The following APIP variants were observed in gnomAD, a reference collection of about 807,000 sequenced individuals.
APIP encodes methylthioribulose-1-phosphate dehydratase.
A neutral mutation model predicts 32.0 loss-of-function variants in APIP; 32 were observed. The observed-to-expected ratio is 1.00, with a 90% CI of 0.76 to 1.34. The LOEUF (loss-of-function observed/expected upper bound fraction) is 1.34. Among genes scored for constraint, APIP ranks in the 40% most tolerant of loss-of-function variants. The probability of loss-of-function intolerance (pLI) is 0.00; values close to 1 mark genes in which losing one functional copy is unlikely to be tolerated. For synonymous variants in APIP, 92 were observed against 94.8 expected, an observed-to-expected ratio of 0.97 and a Z score of 0.17; for missense variants, 247 against 298.6, an observed-to-expected ratio of 0.83 and a Z score of 1.27.
intron 1 of APIP, among the ~76,000 whole-genome samples, chr11:34,907,528 A>G (rs1021602595): frequency 1.3e-5 from 2 of 152,222 alleles, no homozygotes; most frequent in Admixed American, 6.5e-5. Context: ...CAAAGAGATT[A>G]TCACTTAGCA....
At chr11:34,888,646 T>C in intron 4 of APIP, 106 bp downstream of exon 4, 2 of 1,147,220 alleles carry the variant, frequency 1.7e-6, no homozygotes, top group Non-Finnish European at 2.5e-6. Flanking sequence ...TTCAAGTTCT[T>C]GCACATGGTG....
chr11:34,883,607 T>C, intron 5 of APIP, 103 bp from the exon 6 acceptor site: 1 of 1,206,342 alleles, frequency 8.3e-7, no homozygotes, highest in East Asian at 2.5e-5. Context: ...ATGCTGTTTG[T>C]GTCTGAAAAG....
intron 2 of APIP, 190 bp from the exon 3 acceptor site, chr11:34,890,742 T>A (rs2915224): frequency 0.65 from 294,649 of 454,786 alleles, 97,623 homozygotes; most frequent in East Asian, 0.72. Flanking sequence ...CTGGTGGCAT[T>A]GTAGAATATT....
At position 34,904,674 on chromosome 11, in the gene APIP, C is replaced by T. The variant is rs540010351; in HGVS notation, c.58-9564G>A. 3.3e-5 allele frequency among the ~76,000 whole-genome samples: 5 copies of T among 152,262 alleles called. No individual in the cohort carries two copies. In the South Asian group the frequency reaches 1.0e-3, roughly 32 times the overall value. On this transcript the variant is annotated intron_variant, in intron 1 of 6. Coordinates refer to ENST00000395787, the MANE Select transcript of APIP (RefSeq NM_015957.4). Reference sequence around the variant, plus strand: ...TCTGTTTAACCCAGGAGATTTGGTACTTGTAAAGGCTCTCCCTTCTCTCTC... The same window carrying T: ...TCTGTTTAACCCAGGAGATTTGGTATTTGTAAAGGCTCTCCCTTCTCTCTC...
chr11:34,901,867 C>G (rs1343501470), intron 1 of APIP, among the ~76,000 whole-genome samples: 1 of 152,138 alleles, frequency 6.6e-6, no homozygotes, highest in Admixed American at 6.5e-5. Flanking sequence ...ACTTCTTTTC[C>G]TAACCAGAGA....
At chr11:34,909,159 C>G (rs2986421) in intron 1 of APIP, among the ~76,000 whole-genome samples, 119,114 of 151,844 alleles carry the variant, frequency 0.78, 46,877 homozygotes, top group East Asian at 0.83. Flanking sequence ...CTGAAGGAGA[C>G]AAACGAAGGC....
intron 1 of APIP, among the ~76,000 whole-genome samples, chr11:34,901,753 C>T (rs980678799): frequency 6.6e-6 from 1 of 152,184 alleles, no homozygotes; most frequent in Non-Finnish European, 1.5e-5. Flanking sequence ...AACTCTTTGT[C>T]TCCCCCGATG....
chr11:34,901,775 T>C (rs1853374456), intron 1 of APIP, among the ~76,000 whole-genome samples: 1 of 152,152 alleles, frequency 6.6e-6, no homozygotes, highest in Non-Finnish European at 1.5e-5. Flanking sequence ...AAGCTAACAT[T>C]AAACTACAAG....
intron 2 of APIP, among the ~76,000 whole-genome samples, chr11:34,892,530 C>A (rs1206801487): frequency 1.1e-4 from 3 of 26,262 alleles, no homozygotes; most frequent in Non-Finnish European, 1.5e-4. Flanking sequence ...CAGGATCAGT[C>A]TCTCTGACAC....
At chr11:34,893,842 T>A (rs1853220245) in intron 2 of APIP, among the ~76,000 whole-genome samples, 1 of 152,222 alleles carries the variant, frequency 6.6e-6, no homozygotes, top group Non-Finnish European at 1.5e-5. Context: ...GATTATATTT[T>A]ACATTCCATT....
chr11:34,900,755 A>G (rs1320913830), intron 1 of APIP, among the ~76,000 whole-genome samples: 2 of 152,088 alleles, frequency 1.3e-5, no homozygotes, highest in Non-Finnish European at 2.9e-5. Context: ...CTGGTAGACA[A>G]CCCTGACTGG....
At chr11:34,895,913 T>C (rs895508056) in intron 1 of APIP, among the ~76,000 whole-genome samples, 3 of 152,162 alleles carry the variant, frequency 2.0e-5, no homozygotes, top group Non-Finnish European at 4.4e-5. Context: ...ATGAATTCCA[T>C]TTTGGGCAGT....
chr11:34,903,032 A>G (rs185570327), intron 1 of APIP, among the ~76,000 whole-genome samples: 497 of 152,326 alleles, frequency 3.3e-3, no homozygotes, highest in African/African-American at 0.011. Flanking sequence ...CCCACATAAC[A>G]TGGCAGGACT....
At chr11:34,898,807 T>G (rs1173708805) in intron 1 of APIP, among the ~76,000 whole-genome samples, 2 of 135,842 alleles carry the variant, frequency 1.5e-5, no homozygotes, top group Non-Finnish European at 3.2e-5. Flanking sequence ...TTTTTTTTTT[T>G]TTTTTTTTTG....
chr11:34,900,116 T>C (rs1853351038), intron 1 of APIP, among the ~76,000 whole-genome samples: 1 of 152,188 alleles, frequency 6.6e-6, no homozygotes, highest in African/African-American at 2.4e-5. Context: ...AGTTAGATCT[T>C]TTCTATAGAC....
At chr11:34,907,662 C>T (rs1301256832) in intron 1 of APIP, among the ~76,000 whole-genome samples, 2 of 152,084 alleles carry the variant, frequency 1.3e-5, no homozygotes, top group Non-Finnish European at 2.9e-5. Flanking sequence ...GTATCTAGTT[C>T]TCTCCTGAAT....
intron 1 of APIP, among the ~76,000 whole-genome samples, chr11:34,913,588 C>A (rs956420524): frequency 6.6e-6 from 1 of 152,170 alleles, no homozygotes; most frequent in South Asian, 2.1e-4. Flanking sequence ...GGGAGTGTTA[C>A]AGCTCATAAA....
chr11:34,884,000 GACA>G (rs1853015910), intron 5 of APIP, among the ~76,000 whole-genome samples: 3 of 152,148 alleles, frequency 2.0e-5, no homozygotes, highest in African/African-American at 7.2e-5. Context: ...GTGGCACTAG[GACA>G]GCAAGAATGT....
At chr11:34,888,929 T>C in intron 3 of APIP, 60 bp from the exon 4 acceptor site, 1 of 1,009,464 alleles carries the variant, frequency 9.9e-7, no homozygotes, top group Non-Finnish European at 1.4e-6. Flanking sequence ...ATTAGAAATG[T>C]TCCTTTTCTT....
Sources: gnomAD v4.1 joint callset for allele counts (sites outside exome capture counted in the v4.1 genomes callset) on GRCh38, gnomAD v4.1.1 for gene constraint, MANE v1.5 for transcripts, NCBI Gene and HGNC (gene_info 2026-07-23, HGNC 2026-07-21) for gene names.